Variants in BIRC6 observed in about 807,000 individuals in gnomAD.
The protein encoded by BIRC6 is baculoviral IAP repeat containing 6.
In BIRC6, 98 loss-of-function variants were observed where a neutral mutation model predicts 503.3. The ratio of observed to expected loss-of-function variants is 0.19; its 90% CI spans 0.17 to 0.23. The LOEUF (loss-of-function observed/expected upper bound fraction) is 0.23, where lower values mean the gene tolerates loss of function less well. Ranked by LOEUF, BIRC6 falls within the 10% of genes least tolerant of loss-of-function variation. The pLI is 1.00. For missense variants in BIRC6, 5,360 were observed against 5,806.0 expected, an observed-to-expected ratio of 0.92 and a Z score of 2.50; for synonymous variants, 2,240 against 2,078.7, an observed-to-expected ratio of 1.08 and a Z score of -2.11.
chr2:32,608,343 A>T (rs1003149403), intron 72 of BIRC6, among the ~76,000 whole-genome samples: 2 of 151,992 alleles, frequency 1.3e-5, no homozygotes, highest in Non-Finnish European at 2.9e-5. Context: ...TATATTCTAA[A>T]AGACATCTGA....
In BIRC6 at chr2:32,525,457, C is replaced by G; in HGVS notation, c.11756-7C>G. The G allele has an allele frequency of 1.9e-6, 3 of 1,613,868 alleles. No individual in the cohort carries two copies. The highest frequency in any genetic ancestry group is 2.5e-6 in the Non-Finnish European group (3 of 1,179,826). On this transcript the variant is annotated splice_polypyrimidine_tract_variant and splice_region_variant and intron_variant, in intron 58 of 73. Coordinates refer to ENST00000421745, the MANE Select transcript of BIRC6 (RefSeq NM_016252.4). ...TATGTAGAATCTTACTGATCCTTTT[C>G]TTTTAGGGCTGAAGTCTCAATCTAA...
At chr2:32,438,716 C>T (rs927979547) in intron 15 of BIRC6, among the ~76,000 whole-genome samples, 4 of 151,586 alleles carry the variant, frequency 2.6e-5, no homozygotes, top group Admixed American at 6.6e-5. Context: ...CCCGCCACCA[C>T]GCCCCACTAA....
At chr2:32,546,092 T>C (rs1202498752) in intron 63 of BIRC6, among the ~76,000 whole-genome samples, 2 of 152,190 alleles carry the variant, frequency 1.3e-5, no homozygotes, top group African/African-American at 4.8e-5. Flanking sequence ...AAGCGCTTAA[T>C]AAGCTTTCCC....
At chr2:32,365,832 A>G (rs750314233) in intron 1 of BIRC6, among the ~76,000 whole-genome samples, 6 of 151,630 alleles carry the variant, frequency 4.0e-5, no homozygotes, top group South Asian at 2.1e-4. Context: ...TGTAAAAACA[A>G]CTGCTTTTAA....
intron 45 of BIRC6, 119 bp downstream of exon 45, chr2:32,493,786 G>A (rs963677303): frequency 2.9e-5 from 21 of 719,046 alleles, no homozygotes; most frequent in African/African-American, 5.3e-5. Context: ...GAGGACGGTA[G>A]TAATTAAGGG....
chr2:32,499,780 T>G lies in BIRC6; in HGVS notation c.8702T>G (p.Ile2901Ser). Reference protein sequence around the residue: ...ACFGGLFANLIRPGDAKAVCG... With the variant: ...ACFGGLFANLSRPGDAKAVCG... The stretch of plus-strand genomic sequence containing the variant: ...TTTGGGGGACTCTTTGCCAATCTTA[T>G]TCGTCCGGGTGATGCAAAAGCAGTT... Residue 2901 changes from isoleucine to serine, a missense_variant, in exon 46 of 74, where the codon ATT becomes AGT. By Grantham distance (142) the Ile-to-Ser change is moderately radical. Around this residue, in one of 16 missense-constraint regions of BIRC6, gnomAD observed 2,299 missense variants for 2,267.2 expected, o/e 1.01. Transcript: ENST00000421745. The G allele has an allele frequency of 6.2e-7, 1 of 1,614,020 alleles. No individual in the cohort carries two copies. The highest frequency in any genetic ancestry group is 8.5e-7 in the Non-Finnish European group (1 of 1,179,872).
rs555203755 is a variant in BIRC6, at chr2:32,377,760, C to G, written c.498C>G (p.Pro166=). The stretch of plus-strand genomic sequence containing the variant: ...ATGATGTGGTTCAGCTTGAATTACC[C>G]GTTACAGAGGTAAGTTGAAATAAGT... ...KQDDVVQLEL[P]VTEAQQLLSA... The change falls in exon 2 of 74, where the codon CCC becomes CCG. Residue 166 remains proline, a synonymous_variant. Coordinates refer to ENST00000421745, the MANE Select transcript of BIRC6 (RefSeq NM_016252.4). The G allele has an allele frequency of 1.1e-5, 18 of 1,611,388 alleles. No homozygotes were observed. Among genetic ancestry groups the G allele is most frequent in the Non-Finnish European group, 1.4e-5 (17 of 1,178,822 alleles).
At chr2:32,546,769 A>G (rs2058079964) in intron 63 of BIRC6, among the ~76,000 whole-genome samples, 2 of 152,066 alleles carry the variant, frequency 1.3e-5, no homozygotes, top group Non-Finnish European at 2.9e-5. Flanking sequence ...TCTGAAAAAT[A>G]TGTATAATAC....
In BIRC6 at chr2:32,429,231, A is replaced by C. The variant is rs770450971; in HGVS notation, c.2958A>C (p.Lys986Asn). 1.3e-6 allele frequency: 2 copies of C among 1,564,390 alleles called. No individual in the cohort carries two copies. The highest frequency in any genetic ancestry group is 1.7e-6 in the Non-Finnish European group (2 of 1,152,802). ...TACTAGTGGATGGATCTCTTTCTAA[A>C]GGAATAGAACCATCTTCAGAAGGTT... Reference protein sequence around the residue: ...ADILVDGSLSKGIEPSSEGSK... With the variant: ...ADILVDGSLSNGIEPSSEGSK... The change falls in exon 11 of 74, where the codon AAA (lysine) becomes AAC (asparagine). Residue 986 changes from lysine to asparagine, a missense_variant. Transcript: ENST00000421745.
chr2:32,581,767 G>T (rs1323104735), intron 66 of BIRC6, among the ~76,000 whole-genome samples: 1 of 152,156 alleles, frequency 6.6e-6, no homozygotes, highest in South Asian at 2.1e-4. Flanking sequence ...AAAAATAAAT[G>T]CATGTCCATC....
Position 32,525,502 on chromosome 2 carries a change from C to A in BIRC6, c.11794C>A (p.Pro3932Thr), listed in dbSNP as rs945632566. Residue 3932 changes from proline to threonine, a missense_variant, in exon 59 of 74, where the codon CCA becomes ACA. Physicochemically the swap from Pro to Thr is conservative, Grantham distance 38. This residue lies in a region of BIRC6 where 878 missense variants were observed against 928.9 expected (regional missense o/e 0.95). Coordinates refer to ENST00000421745, the MANE Select transcript of BIRC6 (RefSeq NM_016252.4). ...SQSKRAVSAT[P>T]PRPPSRRGRT... ...ATCTAAACGTGCTGTGTCAGCTACACCACCTCGCCCACCATCCAGGAGGGG... is the reference window on the plus strand; with the variant it reads ...ATCTAAACGTGCTGTGTCAGCTACAACACCTCGCCCACCATCCAGGAGGGG... 2 of 1,613,890 alleles carry A rather than the reference C, an allele frequency of 1.2e-6. No homozygotes were observed. Among genetic ancestry groups the A allele is most frequent in the East Asian group, 4.5e-5 (2 of 44,894 alleles).
rs1331519716 is a variant in BIRC6 at position 32,570,341 on chromosome 2, G to A, written c.13145-4815G>A. Among the ~76,000 whole-genome samples, 3 of 151,982 alleles carry A rather than the reference G, an allele frequency of 2.0e-5. No individual in the cohort carries two copies. In the East Asian group the frequency reaches 5.8e-4, roughly 29 times the overall value. Reference sequence around the variant, plus strand: ...TATTTATTTTGAGATCAGCTTGTGAGACTGGCTAATTTTTTTATTTTGGGT... The same window carrying A: ...TATTTATTTTGAGATCAGCTTGTGAAACTGGCTAATTTTTTTATTTTGGGT... On this transcript the variant is annotated intron_variant, in intron 65 of 73. Transcript: ENST00000421745.
intron 65 of BIRC6, among the ~76,000 whole-genome samples, chr2:32,553,031 A>G (rs1392326673): frequency 2.2e-5 from 3 of 139,400 alleles, no homozygotes; most frequent in African/African-American, 5.5e-5. Flanking sequence ...AAAAAAAAAA[A>G]CAAACAAAAA....
At chr2:32,406,036 CTT>C (rs1362092138) in intron 8 of BIRC6, among the ~76,000 whole-genome samples, 1 of 152,102 alleles carries the variant, frequency 6.6e-6, no homozygotes, top group Non-Finnish European at 1.5e-5. Context: ...TCAAACTACT[CTT>C]TATATATCAT....
chr2:32,363,160 G>A lies in BIRC6; in HGVS notation c.325+5674G>A, dbSNP rs796507497. On this transcript the variant is annotated intron_variant, in intron 1 of 73. Transcript: ENST00000421745. Reference sequence around the variant, plus strand: ...AGCCTAGGCAACATAGTGAGACCTTGTCTCTAGAAAAAAATAAAAAAATTT... The same window carrying A: ...AGCCTAGGCAACATAGTGAGACCTTATCTCTAGAAAAAAATAAAAAAATTT... 6.6e-5 allele frequency among the ~76,000 whole-genome samples: 10 copies of A among 152,036 alleles called. 1 individual carries two copies. Among genetic ancestry groups the A allele is most frequent in the African/African-American group, 2.4e-4 (10 of 41,484 alleles).
intron 66 of BIRC6, among the ~76,000 whole-genome samples, chr2:32,580,053 A>C (rs1021880744): frequency 4.0e-5 from 6 of 149,620 alleles, no homozygotes; most frequent in African/African-American, 1.5e-4. Context: ...TCCTGGTTTC[A>C]AGCAATTCTC....
Position 32,481,306 on chromosome 2 carries a change from T to G in BIRC6, c.7409-14T>G. 1.3e-6 allele frequency: 2 copies of G among 1,564,722 alleles called. No homozygotes were observed. Among genetic ancestry groups the G allele is most frequent in the South Asian group, 2.4e-5 (2 of 83,274 alleles). ...ATACACTCCACCAATAAGATCACTT[T>G]TAATTATTTGAAGGTGCACCTCCTC... On this transcript the variant is annotated splice_polypyrimidine_tract_variant and intron_variant, in intron 37 of 73. Transcript: ENST00000421745.
chr2:32,587,884 G>A (rs1200576245), intron 66 of BIRC6, among the ~76,000 whole-genome samples: 1 of 152,112 alleles, frequency 6.6e-6, no homozygotes, highest in African/African-American at 2.4e-5. Flanking sequence ...TTAAAGGGCA[G>A]CATATTTCAC....
chr2:32,447,320 T>G (rs2046109849), intron 21 of BIRC6, among the ~76,000 whole-genome samples: 1 of 149,242 alleles, frequency 6.7e-6, no homozygotes, highest in African/African-American at 2.5e-5. Context: ...CACTTCCCAG[T>G]AGGGGCGGCC....
Sources: allele counts gnomAD v4.1 joint callset (sites outside exome capture counted in the v4.1 genomes callset), GRCh38; gene constraint gnomAD v4.1.1; regional missense constraint gnomAD v4.1.1; transcripts MANE v1.5; gene names NCBI Gene and HGNC (gene_info 2026-07-23, HGNC 2026-07-21).